Variants in NALCN observed in about 807,000 individuals in gnomAD.
NALCN encodes the protein sodium leak channel NALCN.
In NALCN, 111 loss-of-function variants were observed where a neutral mutation model predicts 225.3. The observed-to-expected ratio is 0.49, with a 90% CI of 0.42 to 0.58. The LOEUF is 0.58. NALCN is among the 20% of genes least tolerant of loss of function. NALCN has a pLI of 0.00. For synonymous variants in NALCN, 764 were observed against 769.0 expected (o/e 0.99, Z 0.11); for missense variants, 1,378 against 2,202.4 (o/e 0.63, Z 7.49).
intron 7 of NALCN, among the ~76,000 whole-genome samples, chr13:101,344,023 C>T (rs2045639477): frequency 6.6e-6 from 1 of 152,186 alleles, no homozygotes; most frequent in Non-Finnish European, 1.5e-5. Flanking sequence ...GAGCTGCAGA[C>T]TCTGATAAGG....
intron 12 of NALCN, among the ~76,000 whole-genome samples, chr13:101,234,203 T>C (rs190695136): frequency 6.6e-6 from 1 of 152,380 alleles, no homozygotes; most frequent in African/African-American, 2.4e-5. Context: ...TGTACTTCTT[T>C]GTGAACTGTT....
At chr13:101,312,772 T>A (rs925675030) in intron 7 of NALCN, among the ~76,000 whole-genome samples, 2 of 152,184 alleles carry the variant, frequency 1.3e-5, no homozygotes, top group African/African-American at 4.8e-5. Flanking sequence ...AGGAGTGCTT[T>A]ACTTCCAACT....
At position 101,278,480 on chromosome 13, in the gene NALCN, G is replaced by T. The variant is rs553927227; in HGVS notation, c.1134+5453C>A. Among the ~76,000 whole-genome samples, 401 of 138,408 alleles carry T rather than the reference G, an allele frequency of 2.9e-3. 3 individuals carry two copies. The highest frequency in any genetic ancestry group is 0.01 in the African/African-American group (358 of 35,302). 90.8% of individuals were successfully genotyped at this position (138,408 alleles called of 152,430 possible). ...GGAGGTTGCAATGAGCCAAGATTGT[G>T]CCACTGGATTCCAGCCTGGGCAGGA... On this transcript the variant is annotated intron_variant, in intron 10 of 43. Coordinates refer to ENST00000251127, the MANE Select transcript of NALCN (RefSeq NM_052867.4).
chr13:101,388,462 C>T (rs1001325071), intron 3 of NALCN, among the ~76,000 whole-genome samples: 2 of 151,944 alleles, frequency 1.3e-5, no homozygotes, highest in Admixed American at 1.3e-4. Context: ...AGCTCATCAC[C>T]CAAATGTTGA....
At chr13:101,318,320 G>C (rs510869) in intron 7 of NALCN, among the ~76,000 whole-genome samples, 1 of 151,660 alleles carries the variant, frequency 6.6e-6, no homozygotes, top group Non-Finnish European at 1.5e-5. Context: ...AGCCAGACAC[G>C]CTGGCTGCGG....
intron 13 of NALCN, among the ~76,000 whole-genome samples, chr13:101,195,412 CCTTTT>C (rs1178109611): frequency 6.6e-6 from 1 of 152,182 alleles, no homozygotes; most frequent in African/African-American, 2.4e-5. Flanking sequence ...ATTTGTCATT[CCTTTT>C]AAGTGTTTTT....
intron 10 of NALCN, among the ~76,000 whole-genome samples, chr13:101,265,370 A>G (rs971759305): frequency 3.3e-5 from 5 of 152,182 alleles, no homozygotes; most frequent in African/African-American, 1.2e-4. Context: ...CAACGCTTTC[A>G]TCTTGCTTTG....
chr13:101,179,259 G>C (rs556097033), intron 14 of NALCN, among the ~76,000 whole-genome samples: 244 of 152,210 alleles, frequency 1.6e-3, no homozygotes, highest in African/African-American at 5.6e-3. Flanking sequence ...AGTGAGTTTC[G>C]GTGCTCTCGT....
chr13:101,120,237 AC>A (rs1041051968), intron 18 of NALCN, among the ~76,000 whole-genome samples: 23 of 151,944 alleles, frequency 1.5e-4, no homozygotes, highest in Non-Finnish European at 2.6e-4. Flanking sequence ...GAGAACTAAG[AC>A]CCCTGGCAGC....
At chr13:101,344,256 T>A (rs2045646829) in intron 7 of NALCN, among the ~76,000 whole-genome samples, 1 of 152,156 alleles carries the variant, frequency 6.6e-6, no homozygotes, top group Non-Finnish European at 1.5e-5. Flanking sequence ...AAAATTGAAA[T>A]TGCTTCACAT....
chr13:101,182,006 T>C (rs918614608), intron 14 of NALCN, among the ~76,000 whole-genome samples: 44 of 151,402 alleles, frequency 2.9e-4, no homozygotes, highest in Middle Eastern at 6.8e-3. Flanking sequence ...TGGTGGCGGG[T>C]GCCTGTAGTC....
At chr13:101,241,099 C>G (rs1566476151) in intron 11 of NALCN, among the ~76,000 whole-genome samples, 1 of 152,066 alleles carries the variant, frequency 6.6e-6, no homozygotes, top group African/African-American at 2.4e-5. Flanking sequence ...CAGAAAGCAC[C>G]AGGAAACCCA....
At chr13:101,300,833 A>T (rs2043939180) in intron 7 of NALCN, among the ~76,000 whole-genome samples, 1 of 152,204 alleles carries the variant, frequency 6.6e-6, no homozygotes, top group Admixed American at 6.5e-5. Context: ...ACATAAAAGG[A>T]CTTTTTTAAA....
At chr13:101,374,264 ATTTC>A (rs948205112) in intron 6 of NALCN, among the ~76,000 whole-genome samples, 22 of 148,024 alleles carry the variant, frequency 1.5e-4, no homozygotes, top group African/African-American at 5.0e-4. Flanking sequence ...CCTAAGGTAA[ATTTC>A]TTTCTTTTTT....
chr13:101,302,596 C>T (rs1207525290), intron 7 of NALCN, among the ~76,000 whole-genome samples: 2 of 152,082 alleles, frequency 1.3e-5, no homozygotes, highest in African/African-American at 2.4e-5. Flanking sequence ...ACCAAATTTA[C>T]ACTGAATGTC....
At chr13:101,156,554 ACTAC>A (rs1338326853) in intron 15 of NALCN, among the ~76,000 whole-genome samples, 1 of 152,020 alleles carries the variant, frequency 6.6e-6, no homozygotes, top group Non-Finnish European at 1.5e-5. Context: ...TATGCATGTA[ACTAC>A]CTACCTATCC....
chr13:101,104,710 TAG>T lies in NALCN; in HGVS notation c.2637-62_2637-61del. 1 of 1,604,562 alleles carries T rather than the reference TAG, an allele frequency of 6.2e-7. No individual in the cohort carries two copies. On this transcript the variant is annotated intron_variant, in intron 23 of 43. Transcript: ENST00000251127. The surrounding 1 kb of genome is among the most constrained non-coding windows in gnomAD (Gnocchi z 4.2). ...GGTTCCAGGAAAGGCTTCTAAGAGT[TAG>T]AGATGATGGCTTCTGTGGCTCTATC...
rs570507091 is a variant in NALCN at position 101,114,156 on chromosome 13, C to T, written c.2193-2930G>A. On this transcript the variant is annotated intron_variant, in intron 18 of 43. Coordinates refer to ENST00000251127, the MANE Select transcript of NALCN (RefSeq NM_052867.4). Reference sequence around the variant, plus strand: ...TGAGAAAACATAAGCTTTAAAAGCACACACTTCTGACTTCAGCTTTTATAA... The same window carrying T: ...TGAGAAAACATAAGCTTTAAAAGCATACACTTCTGACTTCAGCTTTTATAA... 4.2e-4 allele frequency among the ~76,000 whole-genome samples: 64 copies of T among 152,290 alleles called. 1 individual carries two copies. The South Asian group carries it at 0.012, about 30-fold the overall frequency.
chr13:101,347,573 C>T (rs1051379304), intron 6 of NALCN, among the ~76,000 whole-genome samples: 8 of 152,236 alleles, frequency 5.3e-5, no homozygotes, highest in South Asian at 4.1e-4. Flanking sequence ...ACCTCATCAA[C>T]GATGCTTGTC....
Sources: gnomAD v4.1 joint callset for allele counts (sites outside exome capture counted in the v4.1 genomes callset) on GRCh38, gnomAD v4.1.1 for gene constraint, Gnocchi (gnomAD v3.1) non-coding constraint, MANE v1.5 for transcripts, NCBI Gene and HGNC (gene_info 2026-07-23, HGNC 2026-07-21) for gene names.